Variants in A1CF observed in about 807,000 individuals in gnomAD.
The protein encoded by A1CF is APOBEC-1 stimulating protein.
In A1CF, 48 loss-of-function variants were observed where a neutral mutation model predicts 68.9. The ratio of observed to expected loss-of-function variants is 0.70; its 90% confidence interval spans 0.55 to 0.89. The LOEUF is 0.89. Among genes scored for constraint, A1CF ranks in the 40% least tolerant of loss-of-function variants. A1CF has a pLI of 0.00. For missense variants in A1CF, 653 were observed against 718.9 expected (o/e 0.91, Z 1.05); for synonymous variants, 272 against 260.4 (o/e 1.04, Z -0.43).
Position 50,800,986 on chromosome 10 carries a change from ACCAATAAATG to A in A1CF, c.*5733_*5742del, listed in dbSNP as rs1837578233. The A allele has an allele frequency of 6.6e-6, 1 of 152,156 alleles. No homozygotes were observed. The highest frequency in any genetic ancestry group is 1.5e-5 in the Non-Finnish European group (1 of 68,036). 9.4% of individuals were successfully genotyped at this position (152,156 alleles called of 1,614,324 possible). A position where few individuals can be genotyped will look rare whatever the true frequency, so the allele number is the denominator to read the frequency against. On this transcript the variant is annotated 3_prime_UTR_variant, in exon 13 of 13. Transcript: ENST00000373997. ...GTAACTCAACTCAAGGAAGAAAGAAACCAATAAATGCTCTAATACCCTACTAGTGCCCTGT... is the reference window on the plus strand; with the variant it reads ...GTAACTCAACTCAAGGAAGAAAGAAACTCTAATACCCTACTAGTGCCCTGT...
intron 6 of A1CF, 22 bp downstream of exon 6, chr10:50,836,052 C>T: frequency 1.3e-6 from 2 of 1,571,028 alleles, no homozygotes; most frequent in East Asian, 2.3e-5. Flanking sequence ...GAAGTCTCAT[C>T]TTTGAGGAGG....
intron 8 of A1CF, among the ~76,000 whole-genome samples, chr10:50,819,622 C>A (rs1313528546): frequency 6.6e-6 from 1 of 152,132 alleles, no homozygotes; most frequent in Non-Finnish European, 1.5e-5. Context: ...CTGACCGATG[C>A]CAGATCCGAT....
chr10:50,822,298 A>G (rs1564501886), intron 7 of A1CF, among the ~76,000 whole-genome samples: 1 of 152,274 alleles, frequency 6.6e-6, no homozygotes, highest in East Asian at 1.9e-4. Context: ...AATTTGTTTA[A>G]CCACTATTAG....
At chr10:50,810,196 G>A (rs1274057768) in intron 11 of A1CF, among the ~76,000 whole-genome samples, 154 bp from the exon 12 acceptor site, 1 of 152,158 alleles carries the variant, frequency 6.6e-6, no homozygotes, top group African/African-American at 2.4e-5. Context: ...TCTAAATATA[G>A]GTTGCATGTA....
chr10:50,864,340 G>T (rs1008841219), intron 1 of A1CF, among the ~76,000 whole-genome samples: 18 of 152,146 alleles, frequency 1.2e-4, no homozygotes, highest in African/African-American at 4.3e-4. Flanking sequence ...TAGAGGAACA[G>T]CAAAAGGACT....
intron 3 of A1CF, chr10:50,850,727 G>T (rs368271677): frequency 6.2e-7 from 1 of 1,614,108 alleles, no homozygotes; most frequent in African/African-American, 1.3e-5. Context: ...TTGAGGCCAG[G>T]AATTGCTGTG....
intron 2 of A1CF, among the ~76,000 whole-genome samples, chr10:50,862,181 C>T (rs1564527889): frequency 6.6e-6 from 1 of 151,934 alleles, no homozygotes; most frequent in Non-Finnish European, 1.5e-5. Flanking sequence ...GCCTGCCCAA[C>T]ATGGTGAAAC....
At chr10:50,850,895 A>G in intron 3 of A1CF, 1 of 1,420,810 alleles carries the variant, frequency 7.0e-7, no homozygotes, top group South Asian at 1.5e-5. Context: ...TTTATTCAAT[A>G]GGCCCATCTA....
intron 6 of A1CF, among the ~76,000 whole-genome samples, chr10:50,834,221 A>C (rs756502158): frequency 6.6e-6 from 1 of 152,200 alleles, no homozygotes; most frequent in African/African-American, 2.4e-5. Context: ...CTTGTTTTGG[A>C]CCTTCTTTCA....
intron 1 of A1CF, among the ~76,000 whole-genome samples, chr10:50,870,124 A>G (rs1387065434): frequency 3.3e-5 from 5 of 151,958 alleles, no homozygotes; most frequent in Admixed American, 3.3e-4. Context: ...TGGGATATCT[A>G]TCACTTTAAA....
intron 3 of A1CF, among the ~76,000 whole-genome samples, chr10:50,848,627 A>G (rs1840101863): frequency 6.6e-6 from 1 of 152,262 alleles, no homozygotes; most frequent in Non-Finnish European, 1.5e-5. Context: ...TGGAAAGTTC[A>G]TATTTCAAGT....
At chr10:50,835,967 T>C (rs945238761) in intron 6 of A1CF, 107 bp downstream of exon 6, 26 of 1,038,272 alleles carry the variant, frequency 2.5e-5, no homozygotes, top group South Asian at 6.6e-5. Flanking sequence ...AAATTTAAAA[T>C]ACAGCGTAAT....
intron 10 of A1CF, among the ~76,000 whole-genome samples, chr10:50,813,107 T>C (rs1230756860): frequency 6.6e-6 from 1 of 152,252 alleles, no homozygotes; most frequent in Non-Finnish European, 1.5e-5. Context: ...ACTCTGATTA[T>C]TCAGCCAAAA....
chr10:50,860,012 G>T, intron 2 of A1CF, 27 bp from the exon 3 acceptor site: 2 of 1,196,926 alleles, frequency 1.7e-6, no homozygotes, highest in Non-Finnish European at 2.5e-6. Context: ...GATAAATTAA[G>T]TAAATTACTG....
intron 10 of A1CF, among the ~76,000 whole-genome samples, chr10:50,813,146 C>T (rs1838199292): frequency 1.3e-5 from 2 of 152,228 alleles, no homozygotes; most frequent in South Asian, 4.1e-4. Context: ...GCACCTATCA[C>T]ACTCCCACAG....
intron 5 of A1CF, 120 bp downstream of exon 5, chr10:50,841,742 T>A: frequency 8.5e-7 from 1 of 1,180,246 alleles, no homozygotes; most frequent in South Asian, 1.4e-5. Flanking sequence ...AAAATACTAA[T>A]CTATTTCATT....
intron 1 of A1CF, among the ~76,000 whole-genome samples, chr10:50,878,931 T>C (rs1841647356): frequency 6.6e-6 from 1 of 152,164 alleles, no homozygotes; most frequent in East Asian, 1.9e-4. Flanking sequence ...GCTACTCAAG[T>C]CCCTTATATC....
intron 12 of A1CF, among the ~76,000 whole-genome samples, chr10:50,807,537 A>G (rs1262566100): frequency 6.6e-6 from 1 of 152,206 alleles, no homozygotes; most frequent in Non-Finnish European, 1.5e-5. Context: ...TGCTTGTTGT[A>G]TTCAGAGGCC....
chr10:50,841,280 G>A (rs904838872), intron 5 of A1CF, among the ~76,000 whole-genome samples: 1 of 151,836 alleles, frequency 6.6e-6, no homozygotes, highest in Non-Finnish European at 1.5e-5. Context: ...TACCCTCTCC[G>A]GCCACATGGG....
Sources: allele counts gnomAD v4.1 joint callset (sites outside exome capture counted in the v4.1 genomes callset), GRCh38; gene constraint gnomAD v4.1.1; transcripts MANE v1.5; gene names NCBI Gene and HGNC (gene_info 2026-07-23, HGNC 2026-07-21).